The following NCMAP variants were observed in gnomAD, a reference collection of about 807,000 sequenced individuals.
The protein encoded by NCMAP is noncompact myelin-associated protein.
NCMAP carries 8 observed loss-of-function variants against 7.8 expected under a neutral mutation model. That is an observed-to-expected ratio of 1.02 (90% CI 0.60 to 1.84). The LOEUF (loss-of-function observed/expected upper bound fraction) is 1.84. Ranked by LOEUF, NCMAP falls within the 40% of genes most tolerant of loss-of-function variation. NCMAP has a pLI of 0.00. For missense variants in NCMAP, 112 were observed against 131.4 expected, an observed-to-expected ratio of 0.85 and a Z score of 0.72; for synonymous variants, 41 against 52.9, an observed-to-expected ratio of 0.78 and a Z score of 0.98.
intron 1 of NCMAP, among the ~76,000 whole-genome samples, chr1:24,583,198 T>C (rs896150337): frequency 3.9e-5 from 6 of 152,042 alleles, no homozygotes; most frequent in South Asian, 4.1e-4. Flanking sequence ...TCCTGTAACA[T>C]TTTTGGTTGT....
At chr1:24,586,122 C>A (rs1023989878) in intron 1 of NCMAP, among the ~76,000 whole-genome samples, 7 of 152,184 alleles carry the variant, frequency 4.6e-5, no homozygotes, top group African/African-American at 1.4e-4. Context: ...GCTGTTATCC[C>A]TGTTTTACAA....
At chr1:24,564,889 A>G (rs1557592568) in intron 1 of NCMAP, among the ~76,000 whole-genome samples, 1 of 152,240 alleles carries the variant, frequency 6.6e-6, no homozygotes, top group Non-Finnish European at 1.5e-5. Context: ...AATTTAAAAA[A>G]AAGAACTCTT....
chr1:24,597,244 G>A (rs1229857547), intron 2 of NCMAP, among the ~76,000 whole-genome samples: 4 of 151,948 alleles, frequency 2.6e-5, no homozygotes, highest in Admixed American at 1.3e-4. Context: ...AGTGGCCCAC[G>A]CCTGTAATCC....
chr1:24,559,329 G>A (rs1405654210), intron 1 of NCMAP, among the ~76,000 whole-genome samples: 14 of 152,200 alleles, frequency 9.2e-5, no homozygotes, highest in Admixed American at 8.5e-4. Context: ...CTAGCAGGAT[G>A]GATTTCTTGC....
At chr1:24,569,056 A>C (rs759992662) in intron 1 of NCMAP, among the ~76,000 whole-genome samples, 6 of 151,396 alleles carry the variant, frequency 4.0e-5, no homozygotes, top group Admixed American at 2.0e-4. Context: ...TCTGTCGCCC[A>C]ATGGTGCGAT....
In NCMAP at chr1:24,556,942, C is replaced by T. The variant is rs1213419751; in HGVS notation, c.-8+773C>T. On this transcript the variant is annotated intron_variant, in intron 1 of 3. Coordinates refer to ENST00000374392, the MANE Select transcript of NCMAP (RefSeq NM_001010980.5). ...TGCTTTACCCCTCAGCCAAGGCCGT[C>T]CAACAGTCTCGGGCAAGTCCACACT... is the stretch of plus-strand genomic sequence containing the variant. 2.0e-5 allele frequency among the ~76,000 whole-genome samples: 3 copies of T among 152,292 alleles called. No homozygotes were observed. In the East Asian group the frequency reaches 5.8e-4, roughly 29 times the overall value.
chr1:24,605,322 A>G (rs1389046372), intron 3 of NCMAP, among the ~76,000 whole-genome samples: 2 of 152,150 alleles, frequency 1.3e-5, no homozygotes, highest in African/African-American at 2.4e-5. Context: ...AAAATGTAAT[A>G]TCTTTATTTT....
intron 1 of NCMAP, among the ~76,000 whole-genome samples, chr1:24,566,596 T>C (rs1651234503): frequency 6.6e-6 from 1 of 152,182 alleles, no homozygotes; most frequent in South Asian, 2.1e-4. Context: ...TAGAACTTTA[T>C]TCTGTAGCAA....
chr1:24,595,524 T>C lies in NCMAP; in HGVS notation c.82+12T>C, dbSNP rs1026374602. The stretch of plus-strand genomic sequence containing the variant: ...CTTCCTGTATAAGAGTAAGGTCAAA[T>C]TCGCTTAGAGGCTGGGGGAAGGATG... On this transcript the variant is annotated intron_variant, in intron 2 of 3. Coordinates refer to ENST00000374392, the MANE Select transcript of NCMAP (RefSeq NM_001010980.5). 1.2e-6 allele frequency: 2 copies of C among 1,600,880 alleles called. No homozygotes were observed. Among genetic ancestry groups the C allele is most frequent in the African/African-American group, 2.7e-5 (2 of 74,618 alleles).
chr1:24,590,471 A>C (rs912479702), intron 1 of NCMAP, among the ~76,000 whole-genome samples: 1 of 152,176 alleles, frequency 6.6e-6, no homozygotes, highest in Non-Finnish European at 1.5e-5. Flanking sequence ...GTTTAGGGAA[A>C]TGCATGCTAA....
intron 1 of NCMAP, among the ~76,000 whole-genome samples, chr1:24,592,882 G>T (rs1327701298): frequency 6.6e-6 from 1 of 151,994 alleles, no homozygotes; most frequent in African/African-American, 2.4e-5. Context: ...TCATGCCACT[G>T]CACTCCAGCC....
chr1:24,563,398 G>A (rs144476524), intron 1 of NCMAP, among the ~76,000 whole-genome samples: 6,347 of 152,248 alleles, frequency 0.042, 204 homozygotes, highest in Non-Finnish European at 0.065. Flanking sequence ...GTGCATGCCT[G>A]TAATCCCAGC....
chr1:24,569,341 C>G (rs1275521265), intron 1 of NCMAP, among the ~76,000 whole-genome samples: 1 of 150,512 alleles, frequency 6.6e-6, no homozygotes, highest in African/African-American at 2.5e-5. Context: ...TCCCTGGGCA[C>G]TAGACTTCAC....
At position 24,609,049 on chromosome 1, in the gene NCMAP, T is replaced by C. The variant is rs2148942313; in HGVS notation, c.*3302T>C. The stretch of plus-strand genomic sequence containing the variant: ...GTGAGGGCGAGTCAAATAAAAGGAT[T>C]TGAGTGTCTCGTTTTTGACTAATGA... On this transcript the variant is annotated 3_prime_UTR_variant, in exon 4 of 4. Transcript: ENST00000374392. 1 of 152,294 alleles carries C rather than the reference T, an allele frequency of 6.6e-6. No individual in the cohort carries two copies. Among genetic ancestry groups the C allele is most frequent in the Non-Finnish European group, 1.5e-5 (1 of 68,034 alleles). The allele number at this position is 152,294 out of a possible 1,614,324, so 9.4% of individuals were successfully genotyped here. A position where few individuals can be genotyped will look rare whatever the true frequency, so the allele number is the denominator to read the frequency against.
At chr1:24,561,090 TG>T (rs1212827866) in intron 1 of NCMAP, among the ~76,000 whole-genome samples, 1 of 146,502 alleles carries the variant, frequency 6.8e-6, no homozygotes, top group African/African-American at 2.6e-5. Flanking sequence ...CCCAGCACTT[TG>T]GGAGGCCGAG....
At chr1:24,594,470 A>T (rs916931158) in intron 1 of NCMAP, among the ~76,000 whole-genome samples, 2 of 152,114 alleles carry the variant, frequency 1.3e-5, no homozygotes, top group African/African-American at 4.8e-5. Flanking sequence ...GAGGGTGTAG[A>T]TGACAGCCAC....
intron 1 of NCMAP, among the ~76,000 whole-genome samples, chr1:24,574,794 CTTT>C (rs772381377): frequency 6.1e-5 from 8 of 131,806 alleles, no homozygotes; most frequent in Admixed American, 1.6e-4. Flanking sequence ...GCCCGCAATA[CTTT>C]TTTTTTTTTT....
chr1:24,585,362 A>C (rs1359914597), intron 1 of NCMAP, among the ~76,000 whole-genome samples: 4 of 152,156 alleles, frequency 2.6e-5, no homozygotes, highest in African/African-American at 9.7e-5. Flanking sequence ...CCTTCATGGA[A>C]TCTGCCTCGG....
chr1:24,578,804 C>A (rs72884498), intron 1 of NCMAP, among the ~76,000 whole-genome samples: 31,265 of 151,760 alleles, frequency 0.21, 3,325 homozygotes, highest in African/African-American at 0.23. Context: ...TGGCCTCAAG[C>A]AATCCTCCTG....
Sources: allele counts gnomAD v4.1 joint callset (sites outside exome capture counted in the v4.1 genomes callset), GRCh38; gene constraint gnomAD v4.1.1; transcripts MANE v1.5; gene names NCBI Gene and HGNC (gene_info 2026-07-23, HGNC 2026-07-21).